Variants in VPS13B observed in about 807,000 individuals in gnomAD.
The protein encoded by VPS13B is vacuolar protein sorting 13 homolog B.
Under a neutral mutation model 426.4 loss-of-function variants are expected in VPS13B, and 285 were observed. That is an observed-to-expected ratio of 0.67 (90% confidence interval 0.61 to 0.74). VPS13B has a LOEUF of 0.74. Ranked by LOEUF, VPS13B falls within the 30% of genes least tolerant of loss-of-function variation. The pLI is 0.00. For synonymous variants in VPS13B, 1,676 were observed against 1,676.4 expected, an observed-to-expected ratio of 1.00 and a Z score of 0.01; for missense variants, 4,537 against 4,782.6, an observed-to-expected ratio of 0.95 and a Z score of 1.51.
chr8:99,579,724 A>T (rs1825959855), intron 33 of VPS13B, among the ~76,000 whole-genome samples: 1 of 142,904 alleles, frequency 7.0e-6, no homozygotes, highest in Non-Finnish European at 1.5e-5. Flanking sequence ...TTTTTTTTTT[A>T]ACACGGAGTC....
At chr8:99,204,524 G>A (rs118013858) in intron 17 of VPS13B, among the ~76,000 whole-genome samples, 4,896 of 152,208 alleles carry the variant, frequency 0.032, 121 homozygotes, top group Non-Finnish European at 0.048. Context: ...CTCATCAAAC[G>A]AAAGAGCTTC....
chr8:99,669,806 G>A (rs1435325272), intron 35 of VPS13B, among the ~76,000 whole-genome samples: 1 of 151,930 alleles, frequency 6.6e-6, no homozygotes, highest in African/African-American at 2.4e-5. Context: ...ACTTGAACTG[G>A]TTATAATCCT....
chr8:99,692,221 C>A (rs1321706403), intron 35 of VPS13B, among the ~76,000 whole-genome samples: 11 of 148,262 alleles, frequency 7.4e-5, no homozygotes, highest in African/African-American at 2.8e-4. Flanking sequence ...ACTCTCCACC[C>A]CAAATCAACA....
intron 2 of VPS13B, among the ~76,000 whole-genome samples, chr8:99,027,718 G>T (rs1317785867): frequency 6.6e-6 from 1 of 151,520 alleles, no homozygotes. Context: ...TCTGCTGTTA[G>T]TTTTTTTTAT....
intron 3 of VPS13B, among the ~76,000 whole-genome samples, chr8:99,090,908 A>C (rs1176747570): frequency 6.6e-6 from 1 of 151,968 alleles, no homozygotes; most frequent in Non-Finnish European, 1.5e-5. Context: ...TCTAAATCTT[A>C]GAGTGGATCT....
chr8:99,607,558 T>C (rs1194352598), intron 33 of VPS13B, among the ~76,000 whole-genome samples: 2 of 152,150 alleles, frequency 1.3e-5, no homozygotes, highest in Admixed American at 1.3e-4. Flanking sequence ...TAAGAGAAAG[T>C]CTATTGAATT....
At chr8:99,197,836 A>T (rs1429529743) in intron 17 of VPS13B, among the ~76,000 whole-genome samples, 1 of 152,112 alleles carries the variant, frequency 6.6e-6, no homozygotes, top group African/African-American at 2.4e-5. Flanking sequence ...TTGGTAATTT[A>T]GGAACATGTT....
In VPS13B at chr8:99,481,867, T is replaced by C. The variant is rs912288709; in HGVS notation, c.3870+65T>C. On this transcript the variant is annotated intron_variant, in intron 25 of 61. Coordinates refer to ENST00000357162, the MANE Select transcript of VPS13B (RefSeq NM_152564.5). The stretch of plus-strand genomic sequence containing the variant: ...ATATATAACACAGATTTCCAGATCA[T>C]GGTTTAAAATGAAGATAACCTCACT... 29 of 1,558,192 alleles carry C rather than the reference T, an allele frequency of 1.9e-5. No individual in the cohort carries two copies. The African/African-American group carries it at 3.4e-4, about 18-fold the overall frequency.
intron 44 of VPS13B, among the ~76,000 whole-genome samples, chr8:99,810,493 T>C (rs1181111050): frequency 1.3e-5 from 2 of 152,230 alleles, no homozygotes; most frequent in African/African-American, 2.4e-5. Flanking sequence ...CCACACCATA[T>C]GCATTCTTGG....
At chr8:99,474,807 A>T (rs527578630) in intron 24 of VPS13B, among the ~76,000 whole-genome samples, 2 of 152,292 alleles carry the variant, frequency 1.3e-5, no homozygotes, top group African/African-American at 4.8e-5. Context: ...AGTTCAGCAC[A>T]CACTTATCAT....
intron 35 of VPS13B, among the ~76,000 whole-genome samples, chr8:99,674,696 T>G (rs1386560041): frequency 6.6e-6 from 1 of 152,084 alleles, no homozygotes; most frequent in African/African-American, 2.4e-5. Context: ...GTTTTCTCTA[T>G]TGGTATATTT....
chr8:99,447,572 C>T (rs570342645), intron 23 of VPS13B, among the ~76,000 whole-genome samples: 3 of 152,208 alleles, frequency 2.0e-5, no homozygotes, highest in South Asian at 2.1e-4. Flanking sequence ...TGAAGTGCCT[C>T]GGGCATTTAC....
At chr8:99,785,483 A>G (rs1202792291) in intron 43 of VPS13B, among the ~76,000 whole-genome samples, 1 of 152,164 alleles carries the variant, frequency 6.6e-6, no homozygotes, top group East Asian at 1.9e-4. Context: ...AAATATATTT[A>G]GTTCACATTA....
chr8:99,405,896 C>G (rs1313224492), intron 21 of VPS13B, among the ~76,000 whole-genome samples: 1 of 151,920 alleles, frequency 6.6e-6, no homozygotes, highest in Non-Finnish European at 1.5e-5. Flanking sequence ...TCTCCTGCCT[C>G]AGCCTCCTGA....
rs746500253 is a variant in VPS13B at position 99,438,034 on chromosome 8, C to CTTTT, written c.3211-4351_3211-4348dup. Among the ~76,000 whole-genome samples, 409 of 120,572 alleles carry CTTTT rather than the reference C, an allele frequency of 3.4e-3. 1 individual carries two copies. Among genetic ancestry groups the CTTTT allele is most frequent in the African/African-American group, 0.011 (354 of 32,396 alleles). The allele number at this position is 120,572 out of a possible 152,430, so 79.1% of individuals were successfully genotyped here. ...ACATGTACTAGCATTTTCTTTTCCT[C>CTTTT]TTTTTTTTTTTTTTTTTTTGTACTC... On this transcript the variant is annotated intron_variant, in intron 22 of 61. Coordinates refer to ENST00000357162, the MANE Select transcript of VPS13B (RefSeq NM_152564.5).
intron 19 of VPS13B, among the ~76,000 whole-genome samples, chr8:99,345,278 T>C (rs1027361029): frequency 6.6e-6 from 1 of 152,190 alleles, no homozygotes; most frequent in Admixed American, 6.5e-5. Flanking sequence ...AGTGTTATAG[T>C]TCTTGGTATC....
At position 99,737,952 on chromosome 8, in the gene VPS13B, G is replaced by A. The variant is rs551267780; in HGVS notation, c.7050+16905G>A. 3.3e-5 allele frequency among the ~76,000 whole-genome samples: 5 copies of A among 152,308 alleles called. No individual in the cohort carries two copies. In the East Asian group the frequency reaches 9.7e-4, roughly 29 times the overall value. On this transcript the variant is annotated intron_variant, in intron 39 of 61. Coordinates refer to ENST00000357162, the MANE Select transcript of VPS13B (RefSeq NM_152564.5). ...GACAGCCTCTTTTAACTATCTGAAG[G>A]AAATACCCACCAAAGGGCATTTCCA... is the stretch of plus-strand genomic sequence containing the variant.
intron 44 of VPS13B, among the ~76,000 whole-genome samples, chr8:99,814,268 C>T (rs746998556): frequency 5.9e-5 from 9 of 152,168 alleles, no homozygotes; most frequent in Non-Finnish European, 1.0e-4. Flanking sequence ...TCAGTTAGGA[C>T]GCTTTCAGTT....
At chr8:99,468,456 A>C (rs556920660) in intron 24 of VPS13B, among the ~76,000 whole-genome samples, 31 of 151,940 alleles carry the variant, frequency 2.0e-4, no homozygotes, top group African/African-American at 6.3e-4. Flanking sequence ...TTTTAAAAAG[A>C]AATATTAAAA....
Sources: gnomAD v4.1 joint callset for allele counts (sites outside exome capture counted in the v4.1 genomes callset) on GRCh38, gnomAD v4.1.1 for gene constraint, MANE v1.5 for transcripts, NCBI Gene and HGNC (gene_info 2026-07-23, HGNC 2026-07-21) for gene names.